Variants in PTPRR observed in about 807,000 individuals in gnomAD.
The protein encoded by PTPRR is receptor-type tyrosine-protein phosphatase R.
Under a neutral mutation model 77.2 loss-of-function variants are expected in PTPRR, and 38 were observed. The observed-to-expected ratio is 0.49, with a 90% CI of 0.38 to 0.65. PTPRR has a LOEUF of 0.65. Among genes scored for constraint, PTPRR ranks in the 30% least tolerant of loss-of-function variants. PTPRR has a pLI of 0.00. For missense variants in PTPRR, 744 were observed against 799.2 expected (o/e 0.93, Z 0.83); for synonymous variants, 299 against 283.1 (o/e 1.06, Z -0.57).
intron 8 of PTPRR, 56 bp downstream of exon 8, chr12:70,698,209 G>A: frequency 6.8e-7 from 1 of 1,460,942 alleles, no homozygotes; most frequent in Non-Finnish European, 9.6e-7. Context: ...TTCTCCTAAT[G>A]GCTATCCCTC....
intron 2 of PTPRR, among the ~76,000 whole-genome samples, chr12:70,883,432 G>A (rs1289607865): frequency 6.6e-6 from 1 of 152,134 alleles, no homozygotes; most frequent in African/African-American, 2.4e-5. Flanking sequence ...TTACCTAAGT[G>A]TGCATAATAT....
chr12:70,892,671 C>G lies in PTPRR; in HGVS notation c.357+8G>C, dbSNP rs754301865. ...TCAGCCTCAGCATCAGTTTAACATA[C>G]TACTTACCACCACAATTACATTTGC... On this transcript the variant is annotated splice_region_variant and intron_variant, in intron 2 of 13. Coordinates refer to ENST00000283228, the MANE Select transcript of PTPRR (RefSeq NM_002849.4). The G allele has an allele frequency of 6.2e-7, 1 of 1,612,408 alleles. No individual in the cohort carries two copies. The highest frequency in any genetic ancestry group is 1.1e-5 in the South Asian group (1 of 91,022).
At chr12:70,641,149 C>T (rs554593919) in intron 13 of PTPRR, among the ~76,000 whole-genome samples, 4 of 152,278 alleles carry the variant, frequency 2.6e-5, no homozygotes, top group African/African-American at 9.6e-5. Context: ...AACTGTGAAG[C>T]TTGGGAGACA....
intron 2 of PTPRR, among the ~76,000 whole-genome samples, chr12:70,798,202 T>TC (rs1432245385): frequency 6.6e-6 from 1 of 152,156 alleles, no homozygotes; most frequent in African/African-American, 2.4e-5. Flanking sequence ...ATCATGTTCT[T>TC]CCCTCACCAC....
intron 13 of PTPRR, 151 bp from the exon 14 acceptor site, chr12:70,639,428 A>G: frequency 7.2e-7 from 1 of 1,381,304 alleles, no homozygotes; most frequent in Non-Finnish European, 9.5e-7. Flanking sequence ...ACCTGTGTCC[A>G]AATGTCTCAA....
chr12:70,672,933 G>A (rs151168361), intron 10 of PTPRR: 17,288 of 1,460,468 alleles, frequency 0.012, 175 homozygotes, highest in Non-Finnish European at 0.013. Flanking sequence ...GGGAAATGTC[G>A]AATGCCAGGT....
At chr12:70,665,874 C>T (rs755699781) in intron 10 of PTPRR, among the ~76,000 whole-genome samples, 27 of 151,900 alleles carry the variant, frequency 1.8e-4, no homozygotes, top group Non-Finnish European at 2.9e-4. Flanking sequence ...AGCTAAAGAT[C>T]TGTATCATCA....
At chr12:70,847,274 T>A (rs1339517086) in intron 2 of PTPRR, among the ~76,000 whole-genome samples, 1 of 152,158 alleles carries the variant, frequency 6.6e-6, no homozygotes, top group Non-Finnish European at 1.5e-5. Flanking sequence ...TGGCTTGGAG[T>A]AGCTGGTCAT....
At chr12:70,780,095 G>C (rs980537132) in intron 2 of PTPRR, among the ~76,000 whole-genome samples, 1 of 151,936 alleles carries the variant, frequency 6.6e-6, no homozygotes, top group African/African-American at 2.4e-5. Context: ...GGGTTTAAGT[G>C]ATTCTCCTGC....
chr12:70,897,647 A>G (rs909104436), intron 1 of PTPRR, among the ~76,000 whole-genome samples: 8 of 152,090 alleles, frequency 5.3e-5, no homozygotes, highest in Non-Finnish European at 8.8e-5. Flanking sequence ...CAGCCGTCCC[A>G]TTACTGGGTA....
At chr12:70,843,935 C>A (rs1318448983) in intron 2 of PTPRR, among the ~76,000 whole-genome samples, 3 of 151,396 alleles carry the variant, frequency 2.0e-5, no homozygotes, top group African/African-American at 7.3e-5. Flanking sequence ...CCTGCCTCAG[C>A]CTCCCGAGTA....
chr12:70,871,490 G>A (rs759125152), intron 2 of PTPRR, among the ~76,000 whole-genome samples: 3 of 152,114 alleles, frequency 2.0e-5, no homozygotes, highest in Non-Finnish European at 4.4e-5. Flanking sequence ...GTATCTGAAG[G>A]CTCATTCATT....
At chr12:70,763,162 C>T (rs1890732286) in intron 3 of PTPRR, among the ~76,000 whole-genome samples, 1 of 151,244 alleles carries the variant, frequency 6.6e-6, no homozygotes, top group African/African-American at 2.4e-5. Flanking sequence ...GAGTTTCGCT[C>T]TTGTTGTCCA....
chr12:70,764,831 T>C (rs1053345545), intron 2 of PTPRR, 53 bp from the exon 3 acceptor site: 6 of 1,295,910 alleles, frequency 4.6e-6, no homozygotes, highest in Admixed American at 3.4e-5. Context: ...TTTGTATAGA[T>C]GTATAGAATA....
intron 4 of PTPRR, among the ~76,000 whole-genome samples, chr12:70,757,072 T>G (rs372243783): frequency 7.9e-4 from 120 of 152,330 alleles, no homozygotes; most frequent in African/African-American, 2.8e-3. Flanking sequence ...AGGTTAATAT[T>G]GATTGTATGT....
At chr12:70,859,907 C>T (rs771803674) in intron 2 of PTPRR, among the ~76,000 whole-genome samples, 8 of 152,056 alleles carry the variant, frequency 5.3e-5, no homozygotes, top group South Asian at 4.1e-4. Context: ...TGATTGATCT[C>T]AACTCATAGC....
At chr12:70,892,308 A>C (rs1339804319) in intron 2 of PTPRR, among the ~76,000 whole-genome samples, 2 of 152,046 alleles carry the variant, frequency 1.3e-5, no homozygotes, top group Admixed American at 6.6e-5. Context: ...TTATTTACAC[A>C]GGCTGAGACT....
intron 1 of PTPRR, among the ~76,000 whole-genome samples, chr12:70,903,377 C>A (rs1471431414): frequency 6.6e-6 from 1 of 151,614 alleles, no homozygotes. Flanking sequence ...AAATTATGAT[C>A]TGTCAATTAA....
intron 13 of PTPRR, among the ~76,000 whole-genome samples, chr12:70,645,933 C>T (rs1886181149): frequency 6.6e-6 from 1 of 152,080 alleles, no homozygotes; most frequent in Non-Finnish European, 1.5e-5. Context: ...AAAATTTTGA[C>T]CTTTTGTGAC....
Sources: allele counts gnomAD v4.1 joint callset (sites outside exome capture counted in the v4.1 genomes callset), GRCh38; gene constraint gnomAD v4.1.1; transcripts MANE v1.5; gene names NCBI Gene and HGNC (gene_info 2026-07-23, HGNC 2026-07-21).